The following IMMP1L variants were observed in gnomAD, a reference collection of about 807,000 sequenced individuals.
IMMP1L encodes the protein mitochondrial inner membrane protease subunit 1.
A neutral mutation model predicts 21.8 loss-of-function variants in IMMP1L; 24 were observed. The observed-to-expected ratio is 1.10, with a 90% CI of 0.80 to 1.55. IMMP1L has a LOEUF of 1.55. Among genes scored for constraint, IMMP1L ranks in the 40% most tolerant of loss-of-function variants. The pLI, the probability that IMMP1L is intolerant of heterozygous loss-of-function variation, is 0.00. For missense variants in IMMP1L, 195 were observed against 200.7 expected, an observed-to-expected ratio of 0.97 and a Z score of 0.17; for synonymous variants, 46 against 62.8, an observed-to-expected ratio of 0.73 and a Z score of 1.26.
At chr11:31,505,328 C>A (rs1955743116) in intron 1 of IMMP1L, among the ~76,000 whole-genome samples, 1 of 152,156 alleles carries the variant, frequency 6.6e-6, no homozygotes, top group Non-Finnish European at 1.5e-5. Flanking sequence ...TTAAGATAGG[C>A]ACCTTGGAGA....
chr11:31,489,787 G>A (rs1955196685), intron 1 of IMMP1L, among the ~76,000 whole-genome samples: 1 of 151,544 alleles, frequency 6.6e-6, no homozygotes, highest in Non-Finnish European at 1.5e-5. Flanking sequence ...TTAAAAATGA[G>A]TTTTCTCCTG....
intron 1 of IMMP1L, among the ~76,000 whole-genome samples, chr11:31,495,948 A>C (rs1955417522): frequency 6.6e-6 from 1 of 152,214 alleles, no homozygotes; most frequent in African/African-American, 2.4e-5. Flanking sequence ...ATGGCAACAA[A>C]AACAAAGGTC....
At chr11:31,472,953 C>T (rs957078549) in intron 1 of IMMP1L, among the ~76,000 whole-genome samples, 8 of 152,174 alleles carry the variant, frequency 5.3e-5, no homozygotes, top group Non-Finnish European at 1.2e-4. Context: ...GCAATCTCCG[C>T]CTCCCAGGTT....
rs910859473 is a variant in IMMP1L, at chr11:31,444,652, C to T, written c.322-11082G>A. The stretch of plus-strand genomic sequence containing the variant: ...TTGCCCAGGCTGGAGTGCCATGGCG[C>T]GATCTTGGCTCACTGCAACCTCTGC... On this transcript the variant is annotated intron_variant, in intron 4 of 5. Coordinates refer to ENST00000532287, the MANE Select transcript of IMMP1L (RefSeq NM_001304274.2). 2.0e-5 allele frequency among the ~76,000 whole-genome samples: 3 copies of T among 149,300 alleles called. No homozygotes were observed. The East Asian group carries it at 5.9e-4, about 29-fold the overall frequency.
intron 2 of IMMP1L, among the ~76,000 whole-genome samples, chr11:31,462,476 CAATT>C (rs1954186641): frequency 6.6e-6 from 1 of 151,280 alleles, no homozygotes; most frequent in Non-Finnish European, 1.5e-5. Flanking sequence ...GCTGGTCAAT[CAATT>C]TATTCTTTCA....
rs769597552 is a variant in IMMP1L at position 31,472,808 on chromosome 11, T to C, written c.-29-9503A>G. Reference sequence around the variant, plus strand: ...TCTTCATTACTTTACATATATTAACTCATTTAATCCTTAAAACAACCCTAT... The same window carrying C: ...TCTTCATTACTTTACATATATTAACCCATTTAATCCTTAAAACAACCCTAT... On this transcript the variant is annotated intron_variant, in intron 1 of 5. Transcript: ENST00000532287. Among the ~76,000 whole-genome samples the C allele has an allele frequency of 2.2e-4, 34 of 152,308 alleles. No individual in the cohort carries two copies. In the Middle Eastern group the frequency reaches 0.014, roughly 61 times the overall value.
intron 1 of IMMP1L, among the ~76,000 whole-genome samples, chr11:31,478,191 A>G (rs1304433030): frequency 1.3e-5 from 2 of 152,242 alleles, no homozygotes; most frequent in Admixed American, 1.3e-4. Flanking sequence ...CTGGTTTTGT[A>G]TAGACAGCCT....
At chr11:31,463,418 T>C (rs891300960) in intron 1 of IMMP1L, 113 bp from the exon 2 acceptor site, 3 of 968,192 alleles carry the variant, frequency 3.1e-6, no homozygotes, top group Non-Finnish European at 4.2e-6. Flanking sequence ...CCTAATACAA[T>C]TTGGTGCAGG....
chr11:31,497,994 G>A (rs1383374293), intron 1 of IMMP1L, among the ~76,000 whole-genome samples: 1 of 152,188 alleles, frequency 6.6e-6, no homozygotes, highest in Admixed American at 6.5e-5. Context: ...CTACTGATAA[G>A]TAGTAAAGTG....
intron 1 of IMMP1L, among the ~76,000 whole-genome samples, chr11:31,499,946 A>C (rs1276959790): frequency 6.8e-6 from 1 of 147,130 alleles, no homozygotes; most frequent in Admixed American, 6.7e-5. Flanking sequence ...TCTTAAATAA[A>C]TAAATAAATA....
intron 4 of IMMP1L, among the ~76,000 whole-genome samples, chr11:31,454,449 C>CAAAAAAAA (rs71463320): frequency 1.6e-4 from 5 of 30,394 alleles, no homozygotes; most frequent in Non-Finnish European, 2.9e-4. Flanking sequence ...AAGACCATGT[C>CAAAAAAAA]AAAAAAAAAA....
At chr11:31,486,204 A>G (rs1955071751) in intron 1 of IMMP1L, among the ~76,000 whole-genome samples, 1 of 151,912 alleles carries the variant, frequency 6.6e-6, no homozygotes, top group African/African-American at 2.4e-5. Context: ...ACACTCAAGA[A>G]AATGTCCTGA....
At chr11:31,460,535 T>C (rs1954102016) in intron 3 of IMMP1L, 91 bp downstream of exon 3, 1 of 694,484 alleles carries the variant, frequency 1.4e-6, no homozygotes, top group Admixed American at 2.6e-5. Flanking sequence ...ATGAAAGAGG[T>C]TTTAAAGATA....
intron 1 of IMMP1L, among the ~76,000 whole-genome samples, chr11:31,499,877 C>G (rs148415922): frequency 3.3e-5 from 5 of 151,802 alleles, no homozygotes; most frequent in Non-Finnish European, 5.9e-5. Context: ...AGATGAGACG[C>G]TTCTTCCTGT....
At chr11:31,452,344 CTTT>C in intron 4 of IMMP1L, 1 of 985,212 alleles carries the variant, frequency 1.0e-6, no homozygotes, top group Non-Finnish European at 1.2e-6. Flanking sequence ...TTTTCTTCTT[CTTT>C]TAATTGGCTT....
At chr11:31,503,273 C>T (rs1955679454) in intron 1 of IMMP1L, among the ~76,000 whole-genome samples, 1 of 152,122 alleles carries the variant, frequency 6.6e-6, no homozygotes, top group Admixed American at 6.5e-5. Flanking sequence ...CTAGTGCACG[C>T]TCTTAACTAC....
intron 1 of IMMP1L, among the ~76,000 whole-genome samples, chr11:31,489,249 G>T (rs977025320): frequency 6.6e-6 from 1 of 152,064 alleles, no homozygotes; most frequent in Non-Finnish European, 1.5e-5. Context: ...GTGAGTTTGC[G>T]TGTGACTTTT....
intron 1 of IMMP1L, among the ~76,000 whole-genome samples, chr11:31,502,262 ATAAT>A (rs1955645384): frequency 6.6e-6 from 1 of 152,216 alleles, no homozygotes; most frequent in Admixed American, 6.5e-5. Context: ...AAGAGGTAGA[ATAAT>A]TATATAGAAC....
At chr11:31,445,761 A>G (rs186409706) in intron 4 of IMMP1L, among the ~76,000 whole-genome samples, 1 of 150,034 alleles carries the variant, frequency 6.7e-6, no homozygotes, top group East Asian at 2.0e-4. Flanking sequence ...GTCTCACTCT[A>G]TTGCCCAGGC....
Sources: allele counts gnomAD v4.1 joint callset (sites outside exome capture counted in the v4.1 genomes callset), GRCh38; gene constraint gnomAD v4.1.1; transcripts MANE v1.5; gene names NCBI Gene and HGNC (gene_info 2026-07-23, HGNC 2026-07-21).